The following ZSCAN18 variants were observed in gnomAD, a reference collection of about 807,000 sequenced individuals.
The protein encoded by ZSCAN18 is zinc finger and SCAN domain containing 18, also known as zinc finger and SCAN domain-containing protein 18.
Under a neutral mutation model 31.1 loss-of-function variants are expected in ZSCAN18, and 16 were observed. That is an observed-to-expected ratio of 0.51 (90% confidence interval 0.35 to 0.78). The LOEUF (loss-of-function observed/expected upper bound fraction) is 0.78, where lower values mean the gene tolerates loss of function less well. Among genes scored for constraint, ZSCAN18 ranks in the 30% least tolerant of loss-of-function variants. The pLI is 0.01. For synonymous variants in ZSCAN18, 375 were observed against 320.7 expected (o/e 1.17, Z -1.81); for missense variants, 731 against 697.4 (o/e 1.05, Z -0.54).
At chr19:58,100,090 C>T (rs1202655728), upstream of ZSCAN18, among the ~76,000 whole-genome samples, 1 of 151,472 alleles carries the variant, frequency 6.6e-6, no homozygotes, top group Non-Finnish European at 1.5e-5. Flanking sequence ...TCCCGAGTAG[C>T]TGGAACTACA....
intron 1 of ZSCAN18, chr19:58,109,040 G>C: frequency 8.2e-7 from 1 of 1,221,690 alleles, no homozygotes; most frequent in Non-Finnish European, 1.0e-6. Flanking sequence ...CATGAAGCTA[G>C]GACTGAGCAG....
chr19:58,084,695 G>A lies in ZSCAN18; in HGVS notation c.1523C>T (p.Ala508Val), dbSNP rs2074223345. ...EGEAPPAPPE[A>V]QR Reference sequence around the variant, plus strand: ...GGACAGCACAGCGGCTCACCTCTGCGCCTCTGGGGGTGCGGGGGGAGCCTC... The same window carrying A: ...GGACAGCACAGCGGCTCACCTCTGCACCTCTGGGGGTGCGGGGGGAGCCTC... The change falls in exon 7 of 7, where the codon GCG becomes GTG. Residue 508 changes from alanine to valine, a missense_variant. Around this residue, in one of 4 missense-constraint regions of ZSCAN18, gnomAD observed 597 missense variants for 499.5 expected, o/e 1.20. Coordinates refer to ENST00000601144, the MANE Select transcript of ZSCAN18 (RefSeq NM_001145543.2). This position sits in a 1 kb window ranked among gnomAD's most constrained non-coding sequence, Gnocchi z 4.5. The A allele has an allele frequency of 1.3e-6, 2 of 1,495,844 alleles. No homozygotes were observed. The highest frequency in any genetic ancestry group is 1.8e-6 in the Non-Finnish European group (2 of 1,133,208). The allele number at this position is 1,495,844 out of a possible 1,614,324, so 92.7% of individuals were successfully genotyped here. A position where few individuals can be genotyped will look rare whatever the true frequency, so the allele number is the denominator to read the frequency against.
intron 6 of ZSCAN18, chr19:58,085,913 C>G (rs2074270027): frequency 2.2e-6 from 1 of 448,342 alleles, no homozygotes; most frequent in African/African-American, 2.0e-5. Context: ...AACGGCCACC[C>G]CCGGGACCAG....
intron 1 of ZSCAN18, among the ~76,000 whole-genome samples, chr19:58,117,032 C>G (rs996026238): frequency 2.0e-5 from 3 of 152,096 alleles, no homozygotes; most frequent in Non-Finnish European, 2.9e-5. Flanking sequence ...GGATTAAAAG[C>G]GCGTGCTTTA....
At chr19:58,113,679 C>A (rs1213997864) in intron 1 of ZSCAN18, among the ~76,000 whole-genome samples, 1 of 152,084 alleles carries the variant, frequency 6.6e-6, no homozygotes, top group East Asian at 1.9e-4. Context: ...AGACTTGGCT[C>A]AAAAATAATA....
chr19:58,103,833 C>A (rs2074613237), intron 1 of ZSCAN18, among the ~76,000 whole-genome samples: 2 of 152,080 alleles, frequency 1.3e-5, no homozygotes, highest in African/African-American at 4.8e-5. Context: ...CCCTCTTGTG[C>A]CAAACAGCCA....
intron 1 of ZSCAN18, among the ~76,000 whole-genome samples, chr19:58,094,268 A>G (rs187337346): frequency 1.5e-4 from 23 of 151,750 alleles, no homozygotes; most frequent in South Asian, 4.2e-4. Flanking sequence ...ATAATTAGCC[A>G]GGCATGGTGG....
chr19:58,089,379 G>T (rs2074362244), intron 2 of ZSCAN18, among the ~76,000 whole-genome samples: 1 of 135,268 alleles, frequency 7.4e-6, no homozygotes, highest in South Asian at 2.5e-4. Context: ...TGTAATCCCA[G>T]CACTTTGGGA....
chr19:58,103,577 T>C (rs2074611324), intron 1 of ZSCAN18, among the ~76,000 whole-genome samples: 1 of 152,238 alleles, frequency 6.6e-6, no homozygotes, highest in Non-Finnish European at 1.5e-5. Context: ...AGCAGATAAA[T>C]GTTGTGTGTC....
chr19:58,084,733 C>T lies in ZSCAN18; in HGVS notation c.1485G>A (p.Glu495=). ...QAGARAGGPP[E]SVEGEAPPAP... ...CGGGGGGAGCCTCGCCCTCCACGCT[C>T]TCTGGGGGACCGCCCGCCCTAGCCC... Residue 495 remains glutamate, a synonymous_variant, in exon 7 of 7, where the codon GAG becomes GAA. Transcript: ENST00000601144. This position sits in a 1 kb window ranked among gnomAD's most constrained non-coding sequence, Gnocchi z 4.5. 2.6e-6 allele frequency: 4 copies of T among 1,542,546 alleles called. No individual in the cohort carries two copies. In the South Asian group the frequency reaches 3.7e-5, roughly 14 times the overall value.
In ZSCAN18 at chr19:58,109,709, T is replaced by C. The variant is rs138559405; in HGVS notation, c.130+8558A>G. Among the ~76,000 whole-genome samples the C allele has an allele frequency of 5.4e-3, 830 of 152,352 alleles. 6 individuals carry two copies. The highest frequency in any genetic ancestry group is 8.9e-3 in the Non-Finnish European group (605 of 68,036). Reference sequence around the variant, plus strand: ...AGTATATTTACTTTGTGAAAACTTCTAGTTTTACATTTATGTATTTTTTAG... The same window carrying C: ...AGTATATTTACTTTGTGAAAACTTCCAGTTTTACATTTATGTATTTTTTAG... On this transcript the variant is annotated intron_variant, in intron 1 of 1. Coordinates refer to the ZSCAN18 transcript ENST00000595721.
chr19:58,118,312 A>G, exon 1 of ZSCAN18: 1 of 1,528,084 alleles, frequency 6.5e-7, no homozygotes, highest in East Asian at 2.6e-5. Context: ...GAACGGAGGA[A>G]ACAGACCCGA....
intron 6 of ZSCAN18, chr19:58,085,680 G>A (rs1400143529): frequency 8.7e-6 from 4 of 459,292 alleles, no homozygotes; most frequent in African/African-American, 2.1e-5. Context: ...TCTCCACCTG[G>A]CCACTAGCTT....
intron 1 of ZSCAN18, among the ~76,000 whole-genome samples, chr19:58,110,312 C>T (rs1053275156): frequency 6.6e-6 from 1 of 152,178 alleles, no homozygotes; most frequent in African/African-American, 2.4e-5. Context: ...ACTCTCCTCT[C>T]CACTCCCATT....
chr19:58,109,166 C>A, intron 1 of ZSCAN18: 1 of 1,230,946 alleles, frequency 8.1e-7, no homozygotes, highest in South Asian at 4.1e-5. Context: ...TCTACCTGGT[C>A]CTCACATTCC....
chr19:58,090,901 A>G lies in ZSCAN18; in HGVS notation c.-119-515T>C, dbSNP rs899717411. 6.6e-6 allele frequency among the ~76,000 whole-genome samples: 1 copy of G among 151,726 alleles called. No individual in the cohort carries two copies. Among genetic ancestry groups the G allele is most frequent in the African/African-American group, 2.4e-5 (1 of 41,328 alleles). The stretch of plus-strand genomic sequence containing the variant: ...CACTGCGCCCAGCATCATTACCAGA[A>G]TTTTAAAAAATCAGTCATGAATAGG... On this transcript the variant is annotated intron_variant, in intron 1 of 6. Coordinates refer to ENST00000601144, the MANE Select transcript of ZSCAN18 (RefSeq NM_001145543.2). The surrounding 1 kb of genome is among the most constrained non-coding windows in gnomAD (Gnocchi z 4.7).
intron 5 of ZSCAN18, chr19:58,086,668 G>T (rs1302706235): frequency 1.9e-6 from 1 of 518,564 alleles, no homozygotes; most frequent in Non-Finnish European, 3.4e-6. Flanking sequence ...GGGGCCAGGA[G>T]GCCTTTCCAA....
upstream of ZSCAN18, among the ~76,000 whole-genome samples, chr19:58,101,093 A>G (rs1295464931): frequency 1.3e-5 from 2 of 151,112 alleles, no homozygotes; most frequent in Non-Finnish European, 2.9e-5. Flanking sequence ...ACGGCTACAG[A>G]GTAACAACAT....
chr19:58,088,520 A>G (rs1277065814), intron 3 of ZSCAN18, 168 bp downstream of exon 3: 1 of 627,810 alleles, frequency 1.6e-6, no homozygotes, highest in Non-Finnish European at 2.7e-6. Context: ...CTAATTTAAT[A>G]AACAATGTCT....
Sources: allele counts gnomAD v4.1 joint callset (sites outside exome capture counted in the v4.1 genomes callset), GRCh38; gene constraint gnomAD v4.1.1; regional missense constraint gnomAD v4.1.1; non-coding constraint Gnocchi (gnomAD v3.1); transcripts MANE v1.5; gene names NCBI Gene and HGNC (gene_info 2026-07-23, HGNC 2026-07-21).